The following ARPP21 variants were observed in gnomAD, a reference collection of about 807,000 sequenced individuals.
ARPP21 encodes cAMP-regulated phosphoprotein 21.
ARPP21 carries 69 observed loss-of-function variants against 113.2 expected under a neutral mutation model. The observed-to-expected ratio is 0.61, with a 90% confidence interval of 0.50 to 0.74. The LOEUF (loss-of-function observed/expected upper bound fraction) is 0.74. ARPP21 is among the 30% of genes least tolerant of loss of function. The pLI is 0.00. For missense variants in ARPP21, 1,070 were observed against 1,037.4 expected (o/e 1.03, Z -0.43); for synonymous variants, 368 against 375.5 (o/e 0.98, Z 0.23).
At chr3:35,693,686 T>G (rs1559641765) in intron 9 of ARPP21, among the ~76,000 whole-genome samples, 1 of 151,668 alleles carries the variant, frequency 6.6e-6, no homozygotes, top group African/African-American at 2.4e-5. Context: ...GTGTCTTGGT[T>G]TTTTTGGTTT....
At chr3:35,754,140 T>G (rs551367408) in intron 19 of ARPP21, among the ~76,000 whole-genome samples, 1 of 151,996 alleles carries the variant, frequency 6.6e-6, no homozygotes, top group Admixed American at 6.6e-5. Context: ...TTATAAACAG[T>G]AGGATTTTTG....
rs1575767439 is a variant in ARPP21 at position 35,682,858 on chromosome 3, A to G, written c.140A>G (p.Glu47Gly). 1.2e-6 allele frequency: 2 copies of G among 1,608,684 alleles called. No homozygotes were observed. Among genetic ancestry groups the G allele is most frequent in the Non-Finnish European group, 1.7e-6 (2 of 1,177,234 alleles). Reference protein sequence around the residue: ...EEKLELQRRLEAQNQERRKSK... With the variant: ...EEKLELQRRLGAQNQERRKSK... ...CTTTCCAACATACAGAGGCGGCTGG[A>G]GGCTCAGAATCAAGAAAGAAGAAAA... The change falls in exon 4 of 21, where the codon GAG becomes GGG. Residue 47 changes from glutamate to glycine, a missense_variant. Physicochemically the swap from Glu to Gly is moderately conservative, Grantham distance 98. Coordinates refer to ENST00000684406, the MANE Select transcript of ARPP21 (RefSeq NM_001385562.1).
intron 10 of ARPP21, 50 bp from the exon 11 acceptor site, chr3:35,708,919 T>A: frequency 1.5e-6 from 2 of 1,315,778 alleles, no homozygotes; most frequent in Non-Finnish European, 2.2e-6. Flanking sequence ...AACCACAGAT[T>A]TCTAACAACG....
At chr3:35,690,667 T>C (rs1168721515) in intron 8 of ARPP21, among the ~76,000 whole-genome samples, 198 bp from the exon 9 acceptor site, 1 of 151,660 alleles carries the variant, frequency 6.6e-6, no homozygotes, top group East Asian at 2.0e-4. Context: ...GAAACAAAGA[T>C]GTTTATTGTG....
chr3:35,664,986 C>T (rs913476990), intron 1 of ARPP21, among the ~76,000 whole-genome samples: 1 of 152,164 alleles, frequency 6.6e-6, no homozygotes, highest in Non-Finnish European at 1.5e-5. Flanking sequence ...ACTTCTCCAA[C>T]ATTCGAATTA....
At position 35,716,970 on chromosome 3, in the gene ARPP21, T is replaced by C. The variant is rs147557683; in HGVS notation, c.936-328T>C. Among the ~76,000 whole-genome samples, 455 of 152,172 alleles carry C rather than the reference T, an allele frequency of 3.0e-3. 1 individual carries two copies. Among genetic ancestry groups the C allele is most frequent in the Non-Finnish European group, 4.4e-3 (302 of 67,920 alleles). ...TTTCATTATGCCAAAATATGAAGAA[T>C]AGTTTTAATATATTACTCTAAAAAA... is the stretch of plus-strand genomic sequence containing the variant. On this transcript the variant is annotated intron_variant, in intron 12 of 20. Coordinates refer to ENST00000684406, the MANE Select transcript of ARPP21 (RefSeq NM_001385562.1).
chr3:35,723,622 A>C (rs1406047722), intron 14 of ARPP21, among the ~76,000 whole-genome samples: 8 of 152,230 alleles, frequency 5.3e-5, no homozygotes, highest in Non-Finnish European at 1.2e-4. Flanking sequence ...TAAATGGTGC[A>C]CTTAAAAATT....
At chr3:35,674,835 T>C (rs1436334131) in intron 1 of ARPP21, among the ~76,000 whole-genome samples, 1 of 151,886 alleles carries the variant, frequency 6.6e-6, no homozygotes, top group Admixed American at 6.6e-5. Context: ...TTCTGTGCAG[T>C]ATTTGTAGGC....
chr3:35,734,938 C>A (rs2094246562), intron 15 of ARPP21, among the ~76,000 whole-genome samples: 1 of 152,208 alleles, frequency 6.6e-6, no homozygotes, highest in South Asian at 2.1e-4. Context: ...GTCTTCCTAT[C>A]AGTTTCCTCA....
At chr3:35,741,172 T>C (rs1302701674) in intron 18 of ARPP21, among the ~76,000 whole-genome samples, 1 of 152,170 alleles carries the variant, frequency 6.6e-6, no homozygotes, top group Non-Finnish European at 1.5e-5. Context: ...ACTGAAGGAA[T>C]TTCAATATTA....
chr3:35,759,587 C>T (rs1031437798), intron 19 of ARPP21, among the ~76,000 whole-genome samples: 2 of 151,598 alleles, frequency 1.3e-5, no homozygotes, highest in Non-Finnish European at 1.5e-5. Context: ...AGAAGTCTTC[C>T]GCATAAGTAG....
intron 1 of ARPP21, among the ~76,000 whole-genome samples, chr3:35,658,811 A>G (rs897752545): frequency 1.3e-5 from 2 of 152,068 alleles, no homozygotes; most frequent in African/African-American, 4.8e-5. Flanking sequence ...GCTGAATTTC[A>G]GGAGAGAGTG....
rs112519345 is a variant in ARPP21 at position 35,673,629 on chromosome 3, C to T, written c.-212-6158C>T. On this transcript the variant is annotated intron_variant, in intron 1 of 20. Coordinates refer to ENST00000684406, the MANE Select transcript of ARPP21 (RefSeq NM_001385562.1). ...AATGTATATATAGGAGTAAACATGG[C>T]TTTTATGGACATTTCAAAAATCAGA... 8.5e-4 allele frequency among the ~76,000 whole-genome samples: 129 copies of T among 151,994 alleles called. 1 individual carries two copies. Among genetic ancestry groups the T allele is most frequent in the Non-Finnish European group, 1.5e-3 (104 of 67,912 alleles).
intron 14 of ARPP21, among the ~76,000 whole-genome samples, chr3:35,728,012 T>G (rs1011762075): frequency 6.6e-6 from 1 of 152,026 alleles, no homozygotes; most frequent in Non-Finnish European, 1.5e-5. Flanking sequence ...TCACGATTAT[T>G]TTACTATTCT....
chr3:35,683,681 TTTTC>T (rs1365495211), intron 4 of ARPP21, 41 bp from the exon 5 acceptor site: 1 of 803,074 alleles, frequency 1.2e-6, no homozygotes, highest in Non-Finnish European at 2.2e-6. Context: ...TTCCTGTTTG[TTTTC>T]TTTATTTTCC....
intron 11 of ARPP21, among the ~76,000 whole-genome samples, chr3:35,712,030 G>A (rs1340723903): frequency 6.6e-6 from 1 of 152,142 alleles, no homozygotes; most frequent in African/African-American, 2.4e-5. Context: ...TGTATAAAGA[G>A]GCTATTACTG....
At chr3:35,692,260 G>A (rs1366780512) in intron 9 of ARPP21, among the ~76,000 whole-genome samples, 2 of 151,500 alleles carry the variant, frequency 1.3e-5, no homozygotes, top group South Asian at 2.1e-4. Flanking sequence ...AAATTTATCA[G>A]GTTCCTATTT....
At position 35,674,282 on chromosome 3, in the gene ARPP21, T is replaced by A. The variant is rs540974016; in HGVS notation, c.-212-5505T>A. Among the ~76,000 whole-genome samples, 9 of 152,058 alleles carry A rather than the reference T, an allele frequency of 5.9e-5. No homozygotes were observed. In the South Asian group the frequency reaches 1.5e-3, roughly 25 times the overall value. Reference sequence around the variant, plus strand: ...GAAATATATAGGATAAGTGTGTAACTCACTGAGATTAAGAACATTTTTGTC... The same window carrying A: ...GAAATATATAGGATAAGTGTGTAACACACTGAGATTAAGAACATTTTTGTC... On this transcript the variant is annotated intron_variant, in intron 1 of 20. Transcript: ENST00000684406.
At chr3:35,728,237 T>C (rs1177161496) in intron 14 of ARPP21, among the ~76,000 whole-genome samples, 157 of 144,280 alleles carry the variant, frequency 1.1e-3, no homozygotes, top group Non-Finnish European at 2.0e-3. Flanking sequence ...TTTTTTTTTT[T>C]TGACGGAGTC....
Sources: allele counts gnomAD v4.1 joint callset (sites outside exome capture counted in the v4.1 genomes callset), GRCh38; gene constraint gnomAD v4.1.1; transcripts MANE v1.5; gene names NCBI Gene and HGNC (gene_info 2026-07-23, HGNC 2026-07-21).